The following KCNC2 variants were observed in gnomAD, a reference collection of about 807,000 sequenced individuals.
KCNC2 encodes the protein voltage-gated potassium channel KCNC2.
In KCNC2, 21 loss-of-function variants were observed where a neutral mutation model predicts 44.5. The ratio of observed to expected loss-of-function variants is 0.47; its 90% CI spans 0.33 to 0.68. The LOEUF (loss-of-function observed/expected upper bound fraction) is 0.68, where lower values mean the gene tolerates loss of function less well. KCNC2 is among the 30% of genes least tolerant of loss of function. The pLI, the probability that KCNC2 is intolerant of heterozygous loss-of-function variation, is 0.01. For missense variants in KCNC2, 589 were observed against 826.2 expected (o/e 0.71, Z 3.52); for synonymous variants, 391 against 339.1 (o/e 1.15, Z -1.68).
intron 2 of KCNC2, among the ~76,000 whole-genome samples, chr12:75,112,004 A>G (rs1356113201): frequency 7.2e-6 from 1 of 138,920 alleles, no homozygotes; most frequent in Non-Finnish European, 1.5e-5. Context: ...TTCAATAAAA[A>G]TAACAAATAC....
In KCNC2 at chr12:75,201,947, G is replaced by A. The variant is rs554194565; in HGVS notation, c.687+5350C>T. ...ATTTTATTTAGACACATTTCTAAAG[G>A]TTCCCACAATAAAAAGAATACATGG... On this transcript the variant is annotated intron_variant, in intron 2 of 4. Coordinates refer to ENST00000549446, the MANE Select transcript of KCNC2 (RefSeq NM_139137.4). Among the ~76,000 whole-genome samples the A allele has an allele frequency of 4.0e-5, 6 of 151,798 alleles. No individual in the cohort carries two copies. In the South Asian group the frequency reaches 1.2e-3, roughly 32 times the overall value.
rs1447265446 is a variant in KCNC2 at position 75,043,113 on chromosome 12, T to G, written c.1909A>C (p.Ile637Leu). Reference protein sequence around the residue: ...LRRSRSPIPSIL With the variant: ...LRRSRSPIPSLL ...CAGTTTGGTTGTTTGGTTTACAAGA[T>G]AGATGGGATGGGAGATCGAGAGCGC... Residue 637 changes from isoleucine (I) to leucine (L), a missense_variant, in exon 5 of 5, where the codon ATC (isoleucine) becomes CTC (leucine). This residue lies in a region of KCNC2 where 171 missense variants were observed against 182.4 expected (regional missense o/e 0.94). Coordinates refer to ENST00000549446, the MANE Select transcript of KCNC2 (RefSeq NM_139137.4). The G allele has an allele frequency of 1.2e-6, 2 of 1,611,950 alleles. No homozygotes were observed. The highest frequency in any genetic ancestry group is 2.2e-5 in the East Asian group (1 of 44,822).
At chr12:75,136,068 C>A (rs896303776) in intron 2 of KCNC2, among the ~76,000 whole-genome samples, 1 of 151,940 alleles carries the variant, frequency 6.6e-6, no homozygotes, top group Non-Finnish European at 1.5e-5. Context: ...GTATATTTAA[C>A]CTTTCTGTCC....
intron 2 of KCNC2, among the ~76,000 whole-genome samples, chr12:75,123,242 A>T (rs1290110626): frequency 1.3e-5 from 2 of 152,190 alleles, no homozygotes; most frequent in Non-Finnish European, 2.9e-5. Flanking sequence ...TTTACTGCAT[A>T]GATTAAGCCT....
chr12:75,130,250 C>G (rs908056719), intron 2 of KCNC2, among the ~76,000 whole-genome samples: 3 of 152,076 alleles, frequency 2.0e-5, no homozygotes, highest in African/African-American at 7.2e-5. Context: ...GTATTTATAT[C>G]TCTTTCAATT....
At chr12:75,090,688 T>C (rs1483813935) in intron 2 of KCNC2, among the ~76,000 whole-genome samples, 1 of 151,696 alleles carries the variant, frequency 6.6e-6, no homozygotes, top group South Asian at 2.1e-4. Context: ...TTCCTCGATA[T>C]ATAGAGTGAA....
chr12:75,081,296 C>A (rs766181849), intron 2 of KCNC2, among the ~76,000 whole-genome samples: 4 of 151,812 alleles, frequency 2.6e-5, no homozygotes, highest in African/African-American at 4.8e-5. Context: ...ACATTGAATT[C>A]CTAGCAATTT....
intron 2 of KCNC2, among the ~76,000 whole-genome samples, chr12:75,197,274 T>C (rs1162217151): frequency 1.3e-5 from 2 of 152,030 alleles, no homozygotes; most frequent in Non-Finnish European, 2.9e-5. Context: ...CCACCCTCCC[T>C]GTTCTCTCAA....
In KCNC2 at chr12:75,207,810, C is replaced by T. The variant is rs1321195816; in HGVS notation, c.174G>A (p.Pro58=). Residue 58 remains proline (P), a synonymous_variant, in exon 2 of 5, where the codon CCG becomes CCA. Coordinates refer to ENST00000549446, the MANE Select transcript of KCNC2 (RefSeq NM_139137.4). The surrounding 1 kb of genome is among the most constrained non-coding windows in gnomAD (Gnocchi z 4.1). ...CTCTCGGCGGCGGCGACAGTGGAGG[C>T]GGCGACGGCTGCAGCTTGTCGCCCG... ...TTAGDKLQPS[P]PPLSPPPRAP... is the part of the protein sequence containing the mutation. 1.2e-6 allele frequency: 2 copies of T among 1,600,984 alleles called. No homozygotes were observed. The highest frequency in any genetic ancestry group is 1.1e-5 in the South Asian group (1 of 90,316).
At position 75,041,266 on chromosome 12, in the gene KCNC2, G is replaced by A; in HGVS notation, c.*1839C>T. On this transcript the variant is annotated 3_prime_UTR_variant, in exon 5 of 5. Coordinates refer to ENST00000549446, the MANE Select transcript of KCNC2 (RefSeq NM_139137.4). ...TAATTCTTTTACCATAAATTTGTGT[G>A]TAATTATAATGTTCTATGTGTGGTG... The A allele has an allele frequency of 6.4e-7, 1 of 1,573,894 alleles. No individual in the cohort carries two copies. Among genetic ancestry groups the A allele is most frequent in the South Asian group, 1.1e-5 (1 of 88,448 alleles).
intron 2 of KCNC2, among the ~76,000 whole-genome samples, chr12:75,116,459 C>T (rs1887668026): frequency 6.6e-6 from 1 of 152,138 alleles, no homozygotes; most frequent in Non-Finnish European, 1.5e-5. Flanking sequence ...TATTAATTCT[C>T]CTTCCAATTC....
chr12:75,143,582 C>T (rs1213324673), intron 2 of KCNC2, among the ~76,000 whole-genome samples: 2 of 152,158 alleles, frequency 1.3e-5, no homozygotes, highest in Admixed American at 1.3e-4. Context: ...ATAACAGGCT[C>T]TGTCCTTGAT....
chr12:75,078,903 T>C (rs1398373680), intron 2 of KCNC2, among the ~76,000 whole-genome samples: 1 of 152,160 alleles, frequency 6.6e-6, no homozygotes, highest in Non-Finnish European at 1.5e-5. Flanking sequence ...CAAGAATACT[T>C]TAATTACGGT....
intron 2 of KCNC2, among the ~76,000 whole-genome samples, chr12:75,099,191 A>C (rs547192508): frequency 1.2e-3 from 182 of 152,342 alleles, no homozygotes; most frequent in South Asian, 7.2e-3. Flanking sequence ...GTAGCGTCTA[A>C]AGGGCTGGCA....
chr12:75,053,329 T>A, intron 2 of KCNC2, among the ~76,000 whole-genome samples: 1 of 152,062 alleles, frequency 6.6e-6, no homozygotes, highest in East Asian at 1.9e-4. Context: ...ATTTACAGAC[T>A]CAGAAGAATC....
chr12:75,205,451 C>T lies in KCNC2; in HGVS notation c.687+1846G>A, dbSNP rs774645505. On this transcript the variant is annotated intron_variant, in intron 2 of 4. Coordinates refer to ENST00000549446, the MANE Select transcript of KCNC2 (RefSeq NM_139137.4). ...TCTCAAGAGTATTATAAAGAAATATCGTAGTAAATGCTTTTTAAACACAAT... is the reference window on the plus strand; with the variant it reads ...TCTCAAGAGTATTATAAAGAAATATTGTAGTAAATGCTTTTTAAACACAAT... Among the ~76,000 whole-genome samples, 21 of 152,028 alleles carry T rather than the reference C, an allele frequency of 1.4e-4. No homozygotes were observed. The East Asian group carries it at 2.7e-3, about 19-fold the overall frequency.
At chr12:75,092,252 A>T (rs924690752) in intron 2 of KCNC2, among the ~76,000 whole-genome samples, 2 of 151,694 alleles carry the variant, frequency 1.3e-5, no homozygotes, top group Non-Finnish European at 1.5e-5. Flanking sequence ...GAAAGGCCAC[A>T]TAGAATTTCT....
At chr12:75,121,876 T>A (rs1031193259) in intron 2 of KCNC2, among the ~76,000 whole-genome samples, 3 of 152,136 alleles carry the variant, frequency 2.0e-5, no homozygotes, top group African/African-American at 7.2e-5. Flanking sequence ...GCCCTTTTTA[T>A]TACTGAGTTT....
At chr12:75,129,706 C>CA (rs142395611) in intron 2 of KCNC2, among the ~76,000 whole-genome samples, 2,136 of 148,412 alleles carry the variant, frequency 0.014, 41 homozygotes, top group African/African-American at 0.049. Context: ...GGATATCACG[C>CA]AAAAAAAAAT....
Sources: allele counts gnomAD v4.1 joint callset (sites outside exome capture counted in the v4.1 genomes callset), GRCh38; gene constraint gnomAD v4.1.1; regional missense constraint gnomAD v4.1.1; non-coding constraint Gnocchi (gnomAD v3.1); transcripts MANE v1.5; gene names NCBI Gene and HGNC (gene_info 2026-07-23, HGNC 2026-07-21).